The following TLK1 variants were observed in gnomAD, a reference collection of about 807,000 sequenced individuals.
TLK1 encodes the protein serine/threonine-protein kinase tousled-like 1.
A neutral mutation model predicts 105.3 loss-of-function variants in TLK1; 24 were observed. The ratio of observed to expected loss-of-function variants is 0.23; its 90% CI spans 0.17 to 0.32. The LOEUF (loss-of-function observed/expected upper bound fraction) is 0.32. TLK1 is among the 10% of genes least tolerant of loss of function. The probability of loss-of-function intolerance (pLI) is 1.00; values close to 1 mark genes in which losing one functional copy is unlikely to be tolerated. For synonymous variants in TLK1, 321 were observed against 310.4 expected, an observed-to-expected ratio of 1.03 and a Z score of -0.36; for missense variants, 558 against 910.5, an observed-to-expected ratio of 0.61 and a Z score of 4.98.
chr2:171,064,096 G>A (rs994778414), intron 3 of TLK1, among the ~76,000 whole-genome samples: 5 of 152,054 alleles, frequency 3.3e-5, no homozygotes, highest in South Asian at 2.1e-4. Context: ...AAAAGCAAAC[G>A]AATGCATTAT....
rs566693260 is a variant in TLK1, at chr2:171,214,462, G to A, written c.-6+16683C>T. 4.6e-5 allele frequency among the ~76,000 whole-genome samples: 7 copies of A among 152,138 alleles called. No individual in the cohort carries two copies. In the South Asian group the frequency reaches 1.5e-3, roughly 32 times the overall value. ...TAGTTGTATACAACTTCACCCATTC[G>A]TACTCCCTTGATAAAGCACACCTGA... is the stretch of plus-strand genomic sequence containing the variant. On this transcript the variant is annotated intron_variant, in intron 1 of 20. Transcript: ENST00000521943.
intron 1 of TLK1, among the ~76,000 whole-genome samples, chr2:171,212,616 G>A (rs1426218222): frequency 3.3e-5 from 5 of 152,082 alleles, no homozygotes; most frequent in Non-Finnish European, 1.5e-5. Flanking sequence ...CTTCGGAAAA[G>A]AAATTTAAGT....
At chr2:171,181,583 C>T (rs1692929229) in intron 1 of TLK1, among the ~76,000 whole-genome samples, 1 of 152,128 alleles carries the variant, frequency 6.6e-6, no homozygotes, top group South Asian at 2.1e-4. Flanking sequence ...GCTGCTTCCA[C>T]CCATGGTGGA....
At chr2:171,020,954 G>C (rs781635813) in intron 12 of TLK1, among the ~76,000 whole-genome samples, 1 of 152,134 alleles carries the variant, frequency 6.6e-6, no homozygotes, top group African/African-American at 2.4e-5. Context: ...TTACTGATGA[G>C]AGCATACTGT....
intron 18 of TLK1, among the ~76,000 whole-genome samples, chr2:171,004,638 AATAATG>A (rs1684561049): frequency 6.6e-6 from 1 of 152,240 alleles, no homozygotes; most frequent in Non-Finnish European, 1.5e-5. Flanking sequence ...GAGAGAAACA[AATAATG>A]AGAATGTCCT....
intron 3 of TLK1, among the ~76,000 whole-genome samples, chr2:171,064,812 T>C (rs1281548490): frequency 1.3e-5 from 2 of 152,208 alleles, no homozygotes; most frequent in South Asian, 2.1e-4. Flanking sequence ...CCTGAATGAC[T>C]ACTCTGGCAT....
At chr2:171,182,388 A>G (rs1265900322) in intron 1 of TLK1, among the ~76,000 whole-genome samples, 1 of 152,216 alleles carries the variant, frequency 6.6e-6, no homozygotes, top group African/African-American at 2.4e-5. Flanking sequence ...GAAATGGGAC[A>G]TACTGACATT....
chr2:171,085,266 G>A (rs1199653493), intron 2 of TLK1, among the ~76,000 whole-genome samples: 1 of 151,958 alleles, frequency 6.6e-6, no homozygotes, highest in East Asian at 1.9e-4. Context: ...GTGCACACCT[G>A]TAATTCCCAG....
At chr2:171,207,130 A>G (rs909945695) in intron 1 of TLK1, among the ~76,000 whole-genome samples, 1 of 152,258 alleles carries the variant, frequency 6.6e-6, no homozygotes, top group African/African-American at 2.4e-5. Flanking sequence ...ATAATTGCCC[A>G]AATTTGGAAG....
At chr2:171,201,898 C>CT (rs1329171676) in intron 1 of TLK1, among the ~76,000 whole-genome samples, 4 of 148,178 alleles carry the variant, frequency 2.7e-5, no homozygotes, top group Non-Finnish European at 4.5e-5. Context: ...TATCAGCTAT[C>CT]ATCTATCTAT....
At chr2:171,110,467 A>G (rs1690115993) in intron 2 of TLK1, among the ~76,000 whole-genome samples, 2 of 152,234 alleles carry the variant, frequency 1.3e-5, no homozygotes, top group Admixed American at 6.5e-5. Context: ...GACTGTCTCA[A>G]AAAAATAAAC....
At chr2:171,080,508 C>G (rs1008015489) in intron 3 of TLK1, among the ~76,000 whole-genome samples, 6 of 149,066 alleles carry the variant, frequency 4.0e-5, no homozygotes, top group Non-Finnish European at 7.4e-5. Flanking sequence ...GAATCATTTT[C>G]CAGATAAGCA....
At chr2:171,159,899 G>A in intron 1 of TLK1, 1 of 169,980 alleles carries the variant, frequency 5.9e-6, no homozygotes, top group Non-Finnish European at 1.2e-5. Context: ...CCAGCGGGAG[G>A]GAAAACCCAC....
chr2:171,095,180 A>C (rs908911419), intron 2 of TLK1, among the ~76,000 whole-genome samples: 3 of 152,168 alleles, frequency 2.0e-5, no homozygotes, highest in Non-Finnish European at 4.4e-5. Context: ...TTAAAAAGAG[A>C]TCTTGAATCA....
intron 1 of TLK1, chr2:171,153,791 T>C (rs995724461): frequency 1.3e-5 from 2 of 152,224 alleles, no homozygotes; most frequent in African/African-American, 4.8e-5. Flanking sequence ...ACGCAATTTA[T>C]ATTATTAATA....
intron 1 of TLK1, among the ~76,000 whole-genome samples, chr2:171,184,162 G>A (rs958263361): frequency 6.6e-5 from 10 of 152,194 alleles, no homozygotes; most frequent in Non-Finnish European, 1.3e-4. Context: ...GCCAAGGAAC[G>A]AGGGTGGCTT....
At chr2:171,188,502 G>A (rs773512735) in intron 1 of TLK1, among the ~76,000 whole-genome samples, 5 of 152,086 alleles carry the variant, frequency 3.3e-5, no homozygotes, top group East Asian at 1.9e-4. Flanking sequence ...TCAGGAGTTC[G>A]AGACAAGTCT....
At chr2:171,161,762 AAAAT>A (rs1272056784), upstream of TLK1, among the ~76,000 whole-genome samples, 9 of 152,256 alleles carry the variant, frequency 5.9e-5, no homozygotes, top group African/African-American at 2.2e-4. Context: ...CAAAAATCCC[AAAAT>A]AAATAACAGC....
At chr2:171,081,845 G>A in intron 3 of TLK1, 1 of 487,236 alleles carries the variant, frequency 2.1e-6, no homozygotes, top group Non-Finnish European at 3.5e-6. Context: ...CTAAAAAGAT[G>A]CCACCTTTGA....
Sources: gnomAD v4.1 joint callset for allele counts (sites outside exome capture counted in the v4.1 genomes callset) on GRCh38, gnomAD v4.1.1 for gene constraint, MANE v1.5 for transcripts, NCBI Gene and HGNC (gene_info 2026-07-23, HGNC 2026-07-21) for gene names.